AKAIN1: variants seen among roughly 807,000 people sequenced by gnomAD.
AKAIN1 encodes the protein A-kinase anchor protein inhibitor 1.
Under a neutral mutation model 3.7 loss-of-function variants are expected in AKAIN1, and 3 were observed. That is an observed-to-expected ratio of 0.82 (90% confidence interval 0.37 to 2.12). AKAIN1 has a LOEUF of 2.12. Among genes scored for constraint, AKAIN1 ranks in the 30% most tolerant of loss-of-function variants. The probability of loss-of-function intolerance (pLI) is 0.06; values close to 1 mark genes in which losing one functional copy is unlikely to be tolerated. For synonymous variants in AKAIN1, 31 were observed against 30.8 expected (o/e 1.01, Z -0.02); for missense variants, 82 against 82.7 (o/e 0.99, Z 0.03).
Position 5,196,854 on chromosome 18 carries a change from G to A in AKAIN1, c.16+184C>T, listed in dbSNP as rs199792740. ...GCTGGAGATTGTTAGAGGACAGATGGGGCGGGACTGGGGAGAGGGGCGAAG... is the reference window on the plus strand; with the variant it reads ...GCTGGAGATTGTTAGAGGACAGATGAGGCGGGACTGGGGAGAGGGGCGAAG... On this transcript the variant is annotated intron_variant, in intron 1 of 1. Coordinates refer to ENST00000434239, the MANE Select transcript of AKAIN1 (RefSeq NM_001145194.2). Among the ~76,000 whole-genome samples, 35 of 152,338 alleles carry A rather than the reference G, an allele frequency of 2.3e-4. No individual in the cohort carries two copies. In the East Asian group the frequency reaches 6.6e-3, roughly 29 times the overall value.
intron 1 of AKAIN1, among the ~76,000 whole-genome samples, chr18:5,189,937 G>C (rs574743471): frequency 6.6e-6 from 1 of 152,104 alleles, no homozygotes; most frequent in East Asian, 1.9e-4. Flanking sequence ...TCAATTTTCT[G>C]TCTTAGTTCA....
chr18:5,196,357 T>G (rs1342331348), intron 1 of AKAIN1, among the ~76,000 whole-genome samples: 1 of 152,200 alleles, frequency 6.6e-6, no homozygotes, highest in Admixed American at 6.5e-5. Context: ...GCCAAGCCGG[T>G]CAACCGCAGA....
chr18:5,148,903 G>T (rs563280045), intron 1 of AKAIN1, among the ~76,000 whole-genome samples: 37 of 151,946 alleles, frequency 2.4e-4, no homozygotes, highest in Non-Finnish European at 4.6e-4. Context: ...ACTCAATAAG[G>T]TTCTAATGCT....
At chr18:5,185,007 A>G (rs931085321) in intron 1 of AKAIN1, among the ~76,000 whole-genome samples, 2 of 152,102 alleles carry the variant, frequency 1.3e-5, no homozygotes, top group African/African-American at 4.8e-5. Context: ...CACATAAACC[A>G]ATGGAACAGA....
chr18:5,154,464 A>G (rs1243253983), intron 1 of AKAIN1, among the ~76,000 whole-genome samples: 1 of 152,150 alleles, frequency 6.6e-6, no homozygotes, highest in Non-Finnish European at 1.5e-5. Context: ...TACCCCCAAG[A>G]GACTCAGAAA....
intron 1 of AKAIN1, among the ~76,000 whole-genome samples, chr18:5,179,054 A>AT (rs1489440469): frequency 1.3e-5 from 2 of 152,156 alleles, no homozygotes. Context: ...TCAAAGCACC[A>AT]TTTTTTAAAA....
Position 5,143,505 on chromosome 18 carries a change from C to T in AKAIN1, c.*2057G>A, listed in dbSNP as rs2071032327. 6.6e-6 allele frequency among the ~76,000 whole-genome samples: 1 copy of T among 152,206 alleles called. No homozygotes were observed. Among genetic ancestry groups the T allele is most frequent in the Non-Finnish European group, 1.5e-5 (1 of 68,036 alleles). On this transcript the variant is annotated 3_prime_UTR_variant, in exon 2 of 2. Coordinates refer to ENST00000434239, the MANE Select transcript of AKAIN1 (RefSeq NM_001145194.2). ...TTTTCTCTTCAAGCCTCAGGACCCA[C>T]CATCCCATGGCTGTCCTCACACAGT...
intron 1 of AKAIN1, among the ~76,000 whole-genome samples, chr18:5,165,941 A>T (rs1217559757): frequency 6.6e-6 from 1 of 151,958 alleles, no homozygotes; most frequent in Non-Finnish European, 1.5e-5. Flanking sequence ...CTAACCTACT[A>T]AGTGACTTCA....
At chr18:5,148,918 CAAAT>C (rs931274764) in intron 1 of AKAIN1, among the ~76,000 whole-genome samples, 1 of 151,918 alleles carries the variant, frequency 6.6e-6, no homozygotes, top group Non-Finnish European at 1.5e-5. Flanking sequence ...AATGCTAAAA[CAAAT>C]AAGCCATTAA....
intron 1 of AKAIN1, among the ~76,000 whole-genome samples, chr18:5,164,636 C>T (rs140161325): frequency 3.3e-5 from 5 of 152,104 alleles, no homozygotes; most frequent in African/African-American, 9.6e-5. Context: ...AAGCTGTCCT[C>T]AATGTATCCC....
At chr18:5,177,511 C>T (rs187584079) in intron 1 of AKAIN1, among the ~76,000 whole-genome samples, 4 of 151,972 alleles carry the variant, frequency 2.6e-5, no homozygotes, top group Non-Finnish European at 5.9e-5. Context: ...TATATGCATA[C>T]ATATGTATAC....
intron 1 of AKAIN1, among the ~76,000 whole-genome samples, chr18:5,151,398 C>T: frequency 6.6e-6 from 1 of 152,120 alleles, no homozygotes; most frequent in East Asian, 1.9e-4. Context: ...AAAGCAAACC[C>T]AGGAGCCCTG....
chr18:5,163,213 C>T (rs1050733220), intron 1 of AKAIN1, among the ~76,000 whole-genome samples: 2 of 152,028 alleles, frequency 1.3e-5, no homozygotes, highest in African/African-American at 4.8e-5. Context: ...AGTGCAAATT[C>T]TGCCTTTTCC....
chr18:5,154,511 C>T (rs1314611570), intron 1 of AKAIN1, among the ~76,000 whole-genome samples: 1 of 151,974 alleles, frequency 6.6e-6, no homozygotes, highest in Admixed American at 6.5e-5. Flanking sequence ...TTCTTGCAGT[C>T]AGTAGGAACT....
chr18:5,145,014 C>A lies in AKAIN1; in HGVS notation c.*548G>T, dbSNP rs2071040264. Among the ~76,000 whole-genome samples the A allele has an allele frequency of 6.6e-6, 1 of 152,184 alleles. No individual in the cohort carries two copies. The highest frequency in any genetic ancestry group is 1.5e-5 in the Non-Finnish European group (1 of 68,004). On this transcript the variant is annotated 3_prime_UTR_variant, in exon 2 of 2. Transcript: ENST00000434239. ...AAAATAACATAAATATTAGTAAATGCCTTGGTATGGTCCCGAGGGACTCAG... is the reference window on the plus strand; with the variant it reads ...AAAATAACATAAATATTAGTAAATGACTTGGTATGGTCCCGAGGGACTCAG...
intron 1 of AKAIN1, among the ~76,000 whole-genome samples, chr18:5,159,656 TAAC>T (rs891144410): frequency 5.3e-5 from 8 of 152,132 alleles, no homozygotes; most frequent in African/African-American, 1.9e-4. Flanking sequence ...TTAGTGAAAA[TAAC>T]AGCTGCATTT....
chr18:5,158,082 G>T (rs753033605), intron 1 of AKAIN1, among the ~76,000 whole-genome samples: 5 of 152,110 alleles, frequency 3.3e-5, no homozygotes, highest in African/African-American at 4.8e-5. Flanking sequence ...CAAGGTTGTT[G>T]CAGCCTGTGT....
intron 1 of AKAIN1, among the ~76,000 whole-genome samples, chr18:5,173,365 C>T (rs1370019458): frequency 6.6e-6 from 1 of 152,080 alleles, no homozygotes; most frequent in African/African-American, 2.4e-5. Flanking sequence ...GACATTTTCC[C>T]CATGTCCAAA....
At chr18:5,192,149 A>G (rs1380809393) in intron 1 of AKAIN1, among the ~76,000 whole-genome samples, 1 of 152,216 alleles carries the variant, frequency 6.6e-6, no homozygotes, top group Non-Finnish European at 1.5e-5. Context: ...TGATAAAGAC[A>G]GTGTGGTCTT....
Sources: gnomAD v4.1 joint callset for allele counts (sites outside exome capture counted in the v4.1 genomes callset) on GRCh38, gnomAD v4.1.1 for gene constraint, MANE v1.5 for transcripts, NCBI Gene and HGNC (gene_info 2026-07-23, HGNC 2026-07-21) for gene names.